SLC39A11: variants seen among roughly 807,000 people sequenced by gnomAD.
The protein encoded by SLC39A11 is solute carrier family 39 member 11.
Under a neutral mutation model 36.1 loss-of-function variants are expected in SLC39A11, and 33 were observed. The ratio of observed to expected loss-of-function variants is 0.91; its 90% CI spans 0.69 to 1.22. SLC39A11 has a LOEUF of 1.22. Among genes scored for constraint, SLC39A11 ranks in the 50% most tolerant of loss-of-function variants. The pLI is 0.00. For synonymous variants in SLC39A11, 166 were observed against 170.3 expected (o/e 0.97, Z 0.20); for missense variants, 432 against 430.3 (o/e 1.00, Z -0.03).
At chr17:72,751,234 T>C (rs2714029) in intron 6 of SLC39A11, among the ~76,000 whole-genome samples, 17,008 of 152,108 alleles carry the variant, frequency 0.11, 1,174 homozygotes, top group African/African-American at 0.19. Flanking sequence ...GGCGACAGAG[T>C]GAGACTCCAT....
chr17:72,959,333 A>G lies in SLC39A11; in HGVS notation c.307-11458T>C, dbSNP rs926316742. Among the ~76,000 whole-genome samples, 342 of 68,344 alleles carry G rather than the reference A, an allele frequency of 5.0e-3. 1 individual carries two copies. The highest frequency in any genetic ancestry group is 0.014 in the African/African-American group (245 of 17,806). The allele number at this position is 68,344 out of a possible 152,430, so 44.8% of individuals were successfully genotyped here. The stretch of plus-strand genomic sequence containing the variant: ...TGTATGTGTGTGTGTGTGTATATAT[A>G]TATATATATATATATATATATATAT... On this transcript the variant is annotated intron_variant, in intron 4 of 9. Transcript: ENST00000255559.
intron 3 of SLC39A11, among the ~76,000 whole-genome samples, chr17:73,052,000 A>C (rs1190003209): frequency 6.6e-6 from 1 of 151,982 alleles, no homozygotes; most frequent in Non-Finnish European, 1.5e-5. Flanking sequence ...CAGTTTTGTC[A>C]GCTGTAAAAT....
intron 6 of SLC39A11, among the ~76,000 whole-genome samples, chr17:72,792,131 A>G (rs1365928483): frequency 1.3e-5 from 2 of 152,342 alleles, no homozygotes; most frequent in East Asian, 3.9e-4. Context: ...ATAGTGTGAG[A>G]CAGCTGAACA....
At chr17:73,064,708 A>T (rs2059947639) in intron 3 of SLC39A11, among the ~76,000 whole-genome samples, 1 of 152,122 alleles carries the variant, frequency 6.6e-6, no homozygotes, top group African/African-American at 2.4e-5. Context: ...TTAGGGTGGG[A>T]GCCACCAGGG....
At chr17:72,706,962 C>G (rs1598403475) in intron 7 of SLC39A11, among the ~76,000 whole-genome samples, 1 of 152,222 alleles carries the variant, frequency 6.6e-6, no homozygotes, top group Non-Finnish European at 1.5e-5. Flanking sequence ...GGGCCGGGCT[C>G]TATCCAATAT....
chr17:72,873,054 CAAAA>C (rs1197695347), intron 5 of SLC39A11, among the ~76,000 whole-genome samples: 1 of 52,050 alleles, frequency 1.9e-5, no homozygotes. Flanking sequence ...GACTCCATCT[CAAAA>C]AAAAAAAAAA....
chr17:72,981,427 G>A (rs563885255), intron 4 of SLC39A11, among the ~76,000 whole-genome samples: 1 of 152,002 alleles, frequency 6.6e-6, no homozygotes, highest in Non-Finnish European at 1.5e-5. Flanking sequence ...TTACATTAAC[G>A]GAGAAAAGAT....
At chr17:72,649,349 C>T (rs1043913166) in intron 7 of SLC39A11, 81 bp from the exon 8 acceptor site, 1 of 1,280,076 alleles carries the variant, frequency 7.8e-7, no homozygotes, top group Non-Finnish European at 1.1e-6. Flanking sequence ...GAGGCCAAGA[C>T]CTCCGTGGGT....
intron 3 of SLC39A11, among the ~76,000 whole-genome samples, chr17:73,046,052 A>T (rs1330257484): frequency 2.6e-5 from 4 of 152,152 alleles, no homozygotes; most frequent in Non-Finnish European, 5.9e-5. Context: ...CTATGTTTGA[A>T]GGAGAAGAGA....
At chr17:72,861,236 A>G (rs986813499) in intron 5 of SLC39A11, among the ~76,000 whole-genome samples, 2 of 152,160 alleles carry the variant, frequency 1.3e-5, no homozygotes, top group Admixed American at 6.5e-5. Context: ...CCTTGGCTAT[A>G]ATAGCAACAC....
At position 73,088,869 on chromosome 17, in the gene SLC39A11, G is replaced by A. The variant is rs186094593; in HGVS notation, c.-11-94C>T. The A allele has an allele frequency of 3.1e-3, 2,829 of 900,632 alleles. 62 individuals are homozygous for A. Among genetic ancestry groups the A allele is most frequent in the Admixed American group, 9.5e-3 (468 of 49,256 alleles). The allele number at this position is 900,632 out of a possible 1,614,324, so 55.8% of individuals were successfully genotyped here. A position where few individuals can be genotyped will look rare whatever the true frequency, so the allele number is the denominator to read the frequency against. Reference sequence around the variant, plus strand: ...GTCCTAACACCCTGTGTGGGAGCTGGCCTCCCTCCAGGTTGACCGTATGCA... The same window carrying A: ...GTCCTAACACCCTGTGTGGGAGCTGACCTCCCTCCAGGTTGACCGTATGCA... On this transcript the variant is annotated intron_variant, in intron 1 of 9. Transcript: ENST00000255559.
At chr17:72,886,109 C>G (rs1598278578) in intron 5 of SLC39A11, among the ~76,000 whole-genome samples, 1 of 152,222 alleles carries the variant, frequency 6.6e-6, no homozygotes, top group Admixed American at 6.5e-5. Flanking sequence ...AACACCTCTG[C>G]TCAGTTCCCT....
chr17:72,803,132 C>T (rs887996273), intron 6 of SLC39A11, among the ~76,000 whole-genome samples: 2 of 152,236 alleles, frequency 1.3e-5, no homozygotes, highest in Non-Finnish European at 2.9e-5. Context: ...ATCCTCAGTG[C>T]GCTGCTTTAA....
At chr17:73,042,808 GAAT>G (rs758456229) in intron 3 of SLC39A11, among the ~76,000 whole-genome samples, 15 of 152,144 alleles carry the variant, frequency 9.9e-5, no homozygotes, top group East Asian at 1.9e-4. Flanking sequence ...GTCTCAAAAT[GAAT>G]AATAATAATA....
chr17:72,926,905 C>G (rs76037218), intron 5 of SLC39A11, among the ~76,000 whole-genome samples: 298 of 152,182 alleles, frequency 2.0e-3, no homozygotes, highest in Middle Eastern at 6.8e-3. Flanking sequence ...GTCTTCTGTT[C>G]ACAGATAAAT....
At chr17:72,737,890 C>A (rs1308663539) in intron 6 of SLC39A11, among the ~76,000 whole-genome samples, 1 of 152,156 alleles carries the variant, frequency 6.6e-6, no homozygotes, top group Non-Finnish European at 1.5e-5. Context: ...AGAGTCTACC[C>A]TGCCCATGCT....
At chr17:72,686,266 C>T (rs1003507766) in intron 7 of SLC39A11, among the ~76,000 whole-genome samples, 2 of 152,230 alleles carry the variant, frequency 1.3e-5, no homozygotes, top group Non-Finnish European at 2.9e-5. Flanking sequence ...TGCTGGCATG[C>T]TTCCAGCCAG....
intron 6 of SLC39A11, among the ~76,000 whole-genome samples, chr17:72,762,899 C>T (rs2075637970): frequency 6.6e-6 from 1 of 152,214 alleles, no homozygotes; most frequent in South Asian, 2.1e-4. Flanking sequence ...TTACTGCTTG[C>T]TGTGACTCTT....
chr17:72,831,822 CATT>C (rs1254370511), intron 6 of SLC39A11, among the ~76,000 whole-genome samples: 1 of 152,152 alleles, frequency 6.6e-6, no homozygotes, highest in Non-Finnish European at 1.5e-5. Flanking sequence ...ATTTGATTTC[CATT>C]TACCATCTCT....
Sources: allele counts gnomAD v4.1 joint callset (sites outside exome capture counted in the v4.1 genomes callset), GRCh38; gene constraint gnomAD v4.1.1; transcripts MANE v1.5; gene names NCBI Gene and HGNC (gene_info 2026-07-23, HGNC 2026-07-21).